NF1: variants seen among roughly 807,000 people sequenced by gnomAD.
The protein encoded by NF1 is neurofibromin.
Under a neutral mutation model 325.7 loss-of-function variants are expected in NF1, and 122 were observed. The ratio of observed to expected loss-of-function variants is 0.37; its 90% CI spans 0.32 to 0.44. The LOEUF is 0.44. NF1 is among the 20% of genes least tolerant of loss of function. NF1 has a pLI of 1.00. For missense variants in NF1, 2,140 were observed against 3,415.4 expected (o/e 0.63, Z 9.31); for synonymous variants, 1,091 against 1,186.0 (o/e 0.92, Z 1.65).
chr17:31,229,491 T>C (rs1421497923), intron 21 of NF1, 26 bp downstream of exon 21: 1 of 1,599,344 alleles, frequency 6.3e-7, no homozygotes, highest in Non-Finnish European at 8.6e-7. Context: ...ATTTTTCACC[T>C]TTCTCTATGA....
chr17:31,341,702 T>C (rs2069830049), intron 47 of NF1, among the ~76,000 whole-genome samples: 1 of 151,820 alleles, frequency 6.6e-6, no homozygotes, highest in Admixed American at 6.6e-5. Flanking sequence ...TGTGTGTGTG[T>C]GTGCACGTGT....
At chr17:31,313,565 G>T (rs188195050) in intron 36 of NF1, among the ~76,000 whole-genome samples, 2 of 152,054 alleles carry the variant, frequency 1.3e-5, no homozygotes, top group Admixed American at 1.3e-4. Context: ...AATTAGCCAG[G>T]CGTGGTGGTG....
chr17:31,266,452 CTAAG>C (rs1248375986), intron 36 of NF1, among the ~76,000 whole-genome samples: 1 of 152,128 alleles, frequency 6.6e-6, no homozygotes. Context: ...TTTAACAACT[CTAAG>C]TAACCCCTGC....
chr17:31,253,179 A>T, intron 31 of NF1, 179 bp downstream of exon 31: 1 of 601,786 alleles, frequency 1.7e-6, no homozygotes, highest in East Asian at 2.9e-5. Flanking sequence ...ACATTGAAAC[A>T]TTCTCTGTGT....
chr17:31,243,191 T>TGTGTGTGTGTGTGTGTGTGTGTGTGG (rs1345374750), intron 29 of NF1, among the ~76,000 whole-genome samples: 111 of 151,264 alleles, frequency 7.3e-4, no homozygotes, highest in African/African-American at 2.4e-3. Context: ...TGTCTGTGTG[T>TGTGTGTGTGTGTGTGTGTGTGTGTGG]GTGTGTGTGT....
chr17:31,121,299 C>A (rs1179023806), intron 1 of NF1, among the ~76,000 whole-genome samples: 1 of 151,652 alleles, frequency 6.6e-6, no homozygotes, highest in East Asian at 1.9e-4. Context: ...AGTTACGTGA[C>A]AAATACTTCT....
At chr17:31,127,236 G>A (rs1914959806) in intron 1 of NF1, among the ~76,000 whole-genome samples, 1 of 152,008 alleles carries the variant, frequency 6.6e-6, no homozygotes, top group Non-Finnish European at 1.5e-5. Flanking sequence ...GTCCCCAAAA[G>A]ACTTATAATA....
chr17:31,346,015 C>T (rs1472579819), intron 48 of NF1: 9 of 1,612,760 alleles, frequency 5.6e-6, no homozygotes, highest in East Asian at 4.5e-5. Context: ...AAACCCGAAG[C>T]AGTTGCTGCC....
intron 13 of NF1, among the ~76,000 whole-genome samples, chr17:31,215,418 G>A (rs546162971): frequency 7.1e-4 from 108 of 152,180 alleles, no homozygotes; most frequent in Non-Finnish European, 1.3e-3. Flanking sequence ...TAACAGCATG[G>A]ACGCTGGAGA....
At chr17:31,103,982 C>T (rs891419849) in intron 1 of NF1, among the ~76,000 whole-genome samples, 1 of 152,092 alleles carries the variant, frequency 6.6e-6, no homozygotes, top group African/African-American at 2.4e-5. Context: ...GATTGCACCA[C>T]TGCACTCTGG....
At chr17:31,097,775 C>T (rs969659769) in intron 1 of NF1, among the ~76,000 whole-genome samples, 2 of 152,060 alleles carry the variant, frequency 1.3e-5, no homozygotes, top group African/African-American at 2.4e-5. Flanking sequence ...CGGTTCATTG[C>T]AACCCCTGCT....
intron 1 of NF1, among the ~76,000 whole-genome samples, chr17:31,148,394 CTT>C (rs71142023): frequency 3.7e-5 from 5 of 134,392 alleles, no homozygotes; most frequent in Non-Finnish European, 6.3e-5. Flanking sequence ...GTCATTATGT[CTT>C]TTTTTTTTTT....
intron 46 of NF1, 161 bp from the exon 47 acceptor site, chr17:31,340,344 A>G (rs1026355847): frequency 1.1e-5 from 9 of 815,708 alleles, no homozygotes; most frequent in Non-Finnish European, 1.8e-5. Flanking sequence ...TTAGTTATAC[A>G]TATGGAAAAG....
Position 31,361,670 on chromosome 17 carries a change from T to C in NF1, c.8377+967T>C, listed in dbSNP as rs568412746. ...TATATAGTTCTTTTAAGTGTTAGCA[T>C]AAATTTAAAAAAAATCCAATGACAT... On this transcript the variant is annotated intron_variant, in intron 57 of 57. Transcript: ENST00000358273. 6 of 152,328 alleles carry C rather than the reference T, an allele frequency of 3.9e-5. No homozygotes were observed. In the South Asian group the frequency reaches 1.2e-3, roughly 32 times the overall value. The allele number at this position is 152,328 out of a possible 1,614,324, so 9.4% of individuals were successfully genotyped here. A position where few individuals can be genotyped will look rare whatever the true frequency, so the allele number is the denominator to read the frequency against.
chr17:31,339,572 T>G (rs919278401), intron 46 of NF1, among the ~76,000 whole-genome samples: 6 of 152,190 alleles, frequency 3.9e-5, no homozygotes, highest in Non-Finnish European at 7.3e-5. Flanking sequence ...ACAAGCATTC[T>G]AATTTTGTAT....
chr17:31,170,403 G>A, intron 5 of NF1, among the ~76,000 whole-genome samples: 1 of 152,212 alleles, frequency 6.6e-6, no homozygotes, highest in East Asian at 1.9e-4. Flanking sequence ...AATGGAACGA[G>A]GAGATTGTGA....
At chr17:31,133,065 CTTG>C (rs1210532196) in intron 1 of NF1, 1 of 152,172 alleles carries the variant, frequency 6.6e-6, no homozygotes, top group Non-Finnish European at 1.5e-5. Context: ...GTACATTCAC[CTTG>C]TTGTGTAACC....
At position 31,252,920 on chromosome 17, in the gene NF1, C is replaced by T. The variant is rs748461474; in HGVS notation, c.4111-18C>T. The stretch of plus-strand genomic sequence containing the variant: ...TAGTCGGTGCTGTGACTTGTTTGTG[C>T]TCATCTCTGTTCTGTAGGCAACTTG... On this transcript the variant is annotated intron_variant, in intron 30 of 57. Coordinates refer to ENST00000358273, the MANE Select transcript of NF1 (RefSeq NM_001042492.3). The T allele has an allele frequency of 3.1e-6, 5 of 1,610,058 alleles. No individual in the cohort carries two copies. The highest frequency in any genetic ancestry group is 1.7e-5 in the Admixed American group (1 of 59,922).
intron 1 of NF1, among the ~76,000 whole-genome samples, chr17:31,150,858 C>T (rs1193497827): frequency 2.0e-5 from 3 of 151,824 alleles, no homozygotes; most frequent in African/African-American, 7.3e-5. Context: ...ATGGTGAAAC[C>T]CCGTCTCTAC....
Sources: allele counts gnomAD v4.1 joint callset (sites outside exome capture counted in the v4.1 genomes callset), GRCh38; gene constraint gnomAD v4.1.1; transcripts MANE v1.5; gene names NCBI Gene and HGNC (gene_info 2026-07-23, HGNC 2026-07-21).